The following GC variants were observed in gnomAD, a reference collection of about 807,000 sequenced individuals.
GC encodes the protein vitamin D-binding protein.
In GC, 43 loss-of-function variants were observed where a neutral mutation model predicts 56.7. That is an observed-to-expected ratio of 0.76 (90% CI 0.59 to 0.98). The LOEUF is 0.98. Ranked by LOEUF, GC falls within the 50% of genes least tolerant of loss-of-function variation. The probability of loss-of-function intolerance (pLI) is 0.00; values close to 1 mark genes in which losing one functional copy is unlikely to be tolerated. For synonymous variants in GC, 216 were observed against 202.7 expected (o/e 1.07, Z -0.56); for missense variants, 529 against 545.9 (o/e 0.97, Z 0.31).
chr4:71,781,531 T>C lies in GC; in HGVS notation c.58+2430A>G, dbSNP rs576646184. 2.6e-5 allele frequency among the ~76,000 whole-genome samples: 4 copies of C among 152,030 alleles called. 1 individual carries two copies. The highest frequency in any genetic ancestry group is 9.6e-5 in the African/African-American group (4 of 41,542). On this transcript the variant is annotated intron_variant, in intron 1 of 12. Coordinates refer to ENST00000273951, the MANE Select transcript of GC (RefSeq NM_000583.4). ...ATTTTAAAAAATCAATTTTTATAAA[T>C]GTTTCCTGGTCATTAAGGTAACTTT...
chr4:71,779,341 G>A (rs940393554), intron 1 of GC, among the ~76,000 whole-genome samples: 5 of 151,860 alleles, frequency 3.3e-5, no homozygotes, highest in Admixed American at 3.3e-4. Context: ...ATAATGGACT[G>A]GTAGGTGTTA....
In GC at chr4:71,741,697, T is replaced by C; in HGVS notation, c.*199A>G. The C allele has an allele frequency of 1.5e-6, 1 of 647,138 alleles. No homozygotes were observed. The highest frequency in any genetic ancestry group is 2.8e-6 in the Non-Finnish European group (1 of 360,912). 40.1% of individuals were successfully genotyped at this position (647,138 alleles called of 1,614,324 possible). A position where few individuals can be genotyped will look rare whatever the true frequency, so the allele number is the denominator to read the frequency against. ...GCCACATAATTCTCAGTCATATTTATGGTTTGCATTATATTTCAATTTATT... is the reference window on the plus strand; with the variant it reads ...GCCACATAATTCTCAGTCATATTTACGGTTTGCATTATATTTCAATTTATT... On this transcript the variant is annotated 3_prime_UTR_variant, in exon 13 of 13. Transcript: ENST00000273951.
intron 1 of GC, 81 bp downstream of exon 1, chr4:71,783,880 T>C: frequency 9.2e-7 from 1 of 1,085,810 alleles, no homozygotes. Context: ...GTTTCTTACT[T>C]TTTATTTCAT....
chr4:71,752,489 A>G, intron 11 of GC, 29 bp downstream of exon 11: 1 of 1,589,826 alleles, frequency 6.3e-7, no homozygotes, highest in Non-Finnish European at 8.6e-7. Context: ...AGATTCTGCC[A>G]TGTTAAGTGG....
At chr4:71,762,051 A>T (rs1741997595) in intron 6 of GC, among the ~76,000 whole-genome samples, 1 of 152,160 alleles carries the variant, frequency 6.6e-6, no homozygotes, top group Non-Finnish European at 1.5e-5. Flanking sequence ...AGAATGGTAG[A>T]TCTACTGACA....
chr4:71,742,740 C>T (rs754730062), intron 12 of GC, among the ~76,000 whole-genome samples: 19 of 152,220 alleles, frequency 1.2e-4, no homozygotes, highest in South Asian at 2.1e-4. Flanking sequence ...TTTGGGAGGC[C>T]GAGGTGGGTG....
At chr4:71,796,901 G>T (rs1306961012) in intron 1 of GC, among the ~76,000 whole-genome samples, 1 of 152,140 alleles carries the variant, frequency 6.6e-6, no homozygotes, top group Non-Finnish European at 1.5e-5. Context: ...TTTTTGGTTA[G>T]TTTTCTTTCT....
chr4:71,795,365 A>T (rs1743072102), intron 1 of GC, among the ~76,000 whole-genome samples: 1 of 152,212 alleles, frequency 6.6e-6, no homozygotes, highest in Non-Finnish European at 1.5e-5. Flanking sequence ...ATACATATTT[A>T]GCATAGTTAG....
In GC at chr4:71,756,835, G is replaced by A. The variant is rs762123144; in HGVS notation, c.911C>T (p.Thr304Ile). 1.4e-5 allele frequency: 23 copies of A among 1,613,100 alleles called. No homozygotes were observed. The highest frequency in any genetic ancestry group is 2.0e-5 in the Non-Finnish European group (23 of 1,179,200). ...SKFEDCCQEK[T>I]AMDVFVCTYF... ...AGTGCACACAAAAACGTCCATGGCT[G>A]TTTTTTCTTGACAACAGTCTTCAAA... Residue 304 changes from threonine (T) to isoleucine (I), a missense_variant, in exon 8 of 13, where the codon ACA becomes ATA. Physicochemically the swap from Thr to Ile is moderately conservative, Grantham distance 89 (BLOSUM62 -1). Transcript: ENST00000273951.
intron 9 of GC, 65 bp downstream of exon 9, chr4:71,754,912 GC>G: frequency 9.0e-7 from 1 of 1,112,958 alleles, no homozygotes; most frequent in Non-Finnish European, 1.3e-6. Context: ...GCAAGTTTTG[GC>G]CCATGAACTA....
chr4:71,787,295 G>A (rs937906796), upstream of GC, among the ~76,000 whole-genome samples: 6 of 151,946 alleles, frequency 3.9e-5, no homozygotes, highest in East Asian at 1.2e-3. Context: ...TCTTTGCTGT[G>A]TATGTACATT....
At chr4:71,749,882 C>G (rs1425679509) in intron 11 of GC, among the ~76,000 whole-genome samples, 1 of 152,024 alleles carries the variant, frequency 6.6e-6, no homozygotes, top group Non-Finnish European at 1.5e-5. Context: ...TAAATTGTTA[C>G]AAACAAGATT....
At chr4:71,760,976 A>G (rs1741953298) in intron 6 of GC, among the ~76,000 whole-genome samples, 1 of 152,156 alleles carries the variant, frequency 6.6e-6, no homozygotes, top group Non-Finnish European at 1.5e-5. Context: ...ACAGATTAAT[A>G]CAGTAAATTT....
At chr4:71,797,627 G>A (rs1224786767) in intron 1 of GC, among the ~76,000 whole-genome samples, 5 of 152,196 alleles carry the variant, frequency 3.3e-5, no homozygotes, top group Non-Finnish European at 5.9e-5. Flanking sequence ...TGCACCTCCT[G>A]ACTGAGGTGA....
chr4:71,756,941 ATT>A (rs1741798649), intron 7 of GC, 27 bp from the exon 8 acceptor site: 3 of 1,452,898 alleles, frequency 2.1e-6, no homozygotes, highest in Middle Eastern at 1.8e-4. Context: ...TAGTTTGTGC[ATT>A]GTTAGTTTCC....
At chr4:71,793,562 C>T (rs1026373673) in intron 1 of GC, among the ~76,000 whole-genome samples, 5 of 152,134 alleles carry the variant, frequency 3.3e-5, no homozygotes, top group Non-Finnish European at 7.4e-5. Context: ...TGGGCTGAGA[C>T]GATGGGGTTT....
At chr4:71,799,145 T>C in intron 1 of GC, among the ~76,000 whole-genome samples, 1 of 152,204 alleles carries the variant, frequency 6.6e-6, no homozygotes, top group Non-Finnish European at 1.5e-5. Flanking sequence ...AAGGAATCAT[T>C]TCAAGTCTCT....
intron 12 of GC, among the ~76,000 whole-genome samples, chr4:71,745,704 T>C (rs1426866881): frequency 2.0e-5 from 3 of 152,204 alleles, no homozygotes; most frequent in Non-Finnish European, 4.4e-5. Flanking sequence ...GGTGAAAATA[T>C]AGTGACTGAA....
rs769364290 is a variant in GC at position 71,784,061 on chromosome 4, G to A, written c.-43C>T. 6.3e-7 allele frequency: 1 copy of A among 1,580,024 alleles called. No homozygotes were observed. The highest frequency in any genetic ancestry group is 1.2e-5 in the South Asian group (1 of 84,330). On this transcript the variant is annotated 5_prime_UTR_variant, in exon 1 of 13. Coordinates refer to ENST00000273951, the MANE Select transcript of GC (RefSeq NM_000583.4). Reference sequence around the variant, plus strand: ...TTGCAGCACCTCCTCTCTCCTGTAGGTGACCATGTAAAAGTGGTAGCCAAA... The same window carrying A: ...TTGCAGCACCTCCTCTCTCCTGTAGATGACCATGTAAAAGTGGTAGCCAAA...
Sources: allele counts gnomAD v4.1 joint callset (sites outside exome capture counted in the v4.1 genomes callset), GRCh38; gene constraint gnomAD v4.1.1; transcripts MANE v1.5; gene names NCBI Gene and HGNC (gene_info 2026-07-23, HGNC 2026-07-21).